Variants in SLC25A17 observed in about 807,000 individuals in gnomAD.
SLC25A17 encodes peroxisomal membrane protein PMP34.
Under a neutral mutation model 38.5 loss-of-function variants are expected in SLC25A17, and 26 were observed. The observed-to-expected ratio is 0.68, with a 90% CI of 0.50 to 0.94. SLC25A17 has a LOEUF of 0.94. Ranked by LOEUF, SLC25A17 falls within the 40% of genes least tolerant of loss-of-function variation. The probability of loss-of-function intolerance (pLI) is 0.00; values close to 1 mark genes in which losing one functional copy is unlikely to be tolerated. For synonymous variants in SLC25A17, 139 were observed against 136.2 expected, an observed-to-expected ratio of 1.02 and a Z score of -0.14; for missense variants, 333 against 372.7, an observed-to-expected ratio of 0.89 and a Z score of 0.88.
chr22:40,781,670 CT>C (rs1276268429), intron 4 of SLC25A17, among the ~76,000 whole-genome samples: 3 of 152,124 alleles, frequency 2.0e-5, no homozygotes, highest in African/African-American at 4.8e-5. Context: ...AGTTCAAGTA[CT>C]TTTTTTCACT....
At chr22:40,816,287 T>C (rs181094056) in intron 1 of SLC25A17, among the ~76,000 whole-genome samples, 1 of 151,814 alleles carries the variant, frequency 6.6e-6, no homozygotes, top group African/African-American at 2.4e-5. Flanking sequence ...GTAGATTAAA[T>C]AGAAATATAT....
intron 1 of SLC25A17, among the ~76,000 whole-genome samples, chr22:40,802,348 T>C (rs373409140): frequency 3.9e-5 from 6 of 152,084 alleles, no homozygotes; most frequent in African/African-American, 1.4e-4. Flanking sequence ...AACTGGCATA[T>C]GAAAATTCAA....
chr22:40,785,407 G>A (rs141358308), intron 4 of SLC25A17, among the ~76,000 whole-genome samples: 21 of 152,150 alleles, frequency 1.4e-4, no homozygotes, highest in Admixed American at 4.6e-4. Flanking sequence ...AAAAAGCTCT[G>A]TTAAACATAA....
intron 1 of SLC25A17, among the ~76,000 whole-genome samples, chr22:40,818,184 A>G (rs764705430): frequency 5.9e-5 from 9 of 152,204 alleles, no homozygotes; most frequent in Non-Finnish European, 1.2e-4. Context: ...CTGAAGTCAC[A>G]GTGATTTTAA....
intron 2 of SLC25A17, among the ~76,000 whole-genome samples, chr22:40,797,099 C>T (rs1569408401): frequency 6.6e-6 from 1 of 152,202 alleles, no homozygotes; most frequent in Non-Finnish European, 1.5e-5. Flanking sequence ...AACATGCTAC[C>T]TGCAGTGAAG....
intron 8 of SLC25A17, among the ~76,000 whole-genome samples, chr22:40,771,935 T>C (rs2057187656): frequency 6.6e-6 from 1 of 152,032 alleles, no homozygotes; most frequent in Non-Finnish European, 1.5e-5. Context: ...TTATTATGCT[T>C]TGCATGCCTG....
intron 4 of SLC25A17, among the ~76,000 whole-genome samples, chr22:40,782,088 C>A (rs2057299833): frequency 6.6e-6 from 1 of 152,036 alleles, no homozygotes; most frequent in African/African-American, 2.4e-5. Flanking sequence ...GGCACGGTGG[C>A]GGGCGCCTGT....
At chr22:40,814,785 ATATATTGTTG>A in intron 1 of SLC25A17, among the ~76,000 whole-genome samples, 1 of 91,682 alleles carries the variant, frequency 1.1e-5, no homozygotes, top group East Asian at 2.3e-4. Flanking sequence ...ATATATATAT[ATATATTGTTG>A]TTGTTGTTGT....
chr22:40,812,786 G>A (rs1321920081), intron 1 of SLC25A17, among the ~76,000 whole-genome samples: 1 of 151,728 alleles, frequency 6.6e-6, no homozygotes, highest in Non-Finnish European at 1.5e-5. Context: ...AGAATGGCTT[G>A]AGCTCAGGAG....
intron 2 of SLC25A17, among the ~76,000 whole-genome samples, chr22:40,797,828 C>T (rs1284807414): frequency 6.6e-6 from 1 of 152,300 alleles, no homozygotes; most frequent in East Asian, 1.9e-4. Flanking sequence ...CCTGTATGCC[C>T]GGCCAGCCCT....
intron 4 of SLC25A17, among the ~76,000 whole-genome samples, chr22:40,785,520 A>G (rs2057330587): frequency 6.6e-6 from 1 of 152,242 alleles, no homozygotes; most frequent in Non-Finnish European, 1.5e-5. Flanking sequence ...TAGCAGGTAC[A>G]CAGGCAGACA....
In SLC25A17 at chr22:40,819,283, C is replaced by A. The variant is rs777920742; in HGVS notation, c.-35G>T. ...TCCTCGAAGACCCAGCCACACTTTT[C>A]CCACAGATGCCGCAGCCAGTGGAGT... On this transcript the variant is annotated 5_prime_UTR_variant, in exon 1 of 9. Transcript: ENST00000435456. The A allele has an allele frequency of 3.1e-6, 5 of 1,611,596 alleles. No homozygotes were observed. The highest frequency in any genetic ancestry group is 4.2e-6 in the Non-Finnish European group (5 of 1,178,296).
At chr22:40,811,175 T>A (rs957385989) in intron 1 of SLC25A17, among the ~76,000 whole-genome samples, 4 of 152,076 alleles carry the variant, frequency 2.6e-5, no homozygotes, top group African/African-American at 9.7e-5. Context: ...ATTCTCTCCA[T>A]CCTTCTAATA....
intron 4 of SLC25A17, among the ~76,000 whole-genome samples, chr22:40,783,986 T>C (rs1370646919): frequency 2.0e-5 from 3 of 152,208 alleles, no homozygotes; most frequent in Non-Finnish European, 4.4e-5. Flanking sequence ...ATTACAGGCA[T>C]GAGCCACCGC....
chr22:40,771,040 C>G (rs968509905), intron 8 of SLC25A17, 59 bp from the exon 9 acceptor site: 1 of 1,381,658 alleles, frequency 7.2e-7, no homozygotes, highest in Non-Finnish European at 9.7e-7. Context: ...GAACATGCTA[C>G]CTAGATAGCT....
intron 7 of SLC25A17, 110 bp downstream of exon 7, chr22:40,776,930 C>G: frequency 1.1e-6 from 1 of 886,252 alleles, no homozygotes; most frequent in Non-Finnish European, 1.8e-6. Context: ...AGGGAATATT[C>G]TGGTATACCA....
Position 40,770,803 on chromosome 22 carries a change from G to A in SLC25A17, c.*31C>T, listed in dbSNP as rs758986622. ...ACTCAGGAGGAAACCTCCCTCTTGA[G>A]CATCTTCGGAATTTTTCATGGGAAG... On this transcript the variant is annotated 3_prime_UTR_variant, in exon 9 of 9. Transcript: ENST00000435456. The A allele has an allele frequency of 5.1e-6, 8 of 1,578,950 alleles. 1 individual carries two copies. The South Asian group carries it at 9.1e-5, about 18-fold the overall frequency.
intron 5 of SLC25A17, 148 bp from the exon 6 acceptor site, chr22:40,777,521 C>T (rs1450626731): frequency 3.3e-5 from 30 of 913,432 alleles, no homozygotes; most frequent in African/African-American, 8.4e-5. Context: ...CAATGGCTCA[C>T]GCCTGTAGTC....
At chr22:40,798,360 G>A (rs2057448958) in intron 2 of SLC25A17, 1 of 152,182 alleles carries the variant, frequency 6.6e-6, no homozygotes, top group African/African-American at 2.4e-5. Flanking sequence ...ATGGCCTGAT[G>A]TGCACCATTG....
Sources: allele counts gnomAD v4.1 joint callset (sites outside exome capture counted in the v4.1 genomes callset), GRCh38; gene constraint gnomAD v4.1.1; transcripts MANE v1.5; gene names NCBI Gene and HGNC (gene_info 2026-07-23, HGNC 2026-07-21).